Variants in HTT observed in about 807,000 individuals in gnomAD.
HTT encodes huntington disease protein.
Under a neutral mutation model 362.3 loss-of-function variants are expected in HTT, and 104 were observed. The ratio of observed to expected loss-of-function variants is 0.29; its 90% CI spans 0.24 to 0.34. The LOEUF (loss-of-function observed/expected upper bound fraction) is 0.34, where lower values mean the gene tolerates loss of function less well. Among genes scored for constraint, HTT ranks in the 10% least tolerant of loss-of-function variants. HTT has a pLI of 1.00. For synonymous variants in HTT, 1,577 were observed against 1,548.7 expected (o/e 1.02, Z -0.43); for missense variants, 3,301 against 3,928.6 (o/e 0.84, Z 4.27).
At chr4:3,109,376 T>C (rs6446722) in intron 6 of HTT, among the ~76,000 whole-genome samples, 70,567 of 151,366 alleles carry the variant, frequency 0.47, 16,966 homozygotes, top group African/African-American at 0.57. Flanking sequence ...CAGGCATGCA[T>C]CACCACGCTC....
chr4:3,134,115 A>G (rs1364554206), intron 18 of HTT, among the ~76,000 whole-genome samples: 1 of 152,148 alleles, frequency 6.6e-6, no homozygotes, highest in African/African-American at 2.4e-5. Context: ...TAACTGATCA[A>G]TGTTTGTGAA....
In HTT at chr4:3,174,952, A is replaced by G; in HGVS notation, c.4252A>G (p.Ile1418Val). 1 of 1,594,986 alleles carries G rather than the reference A, an allele frequency of 6.3e-7. No homozygotes were observed. The highest frequency in any genetic ancestry group is 8.6e-7 in the Non-Finnish European group (1 of 1,167,480). ...CTTTTTTTCTTTTTTATAGAATGCT[A>G]TTCATAATCACATTCGTTTGTTTGA... ...VTKNRADKNA[I>V]HNHIRLFEPL... Residue 1418 changes from isoleucine (I) to valine (V), a missense_variant, in exon 33 of 67, where the codon ATT (isoleucine) becomes GTT (valine). Around this residue, in one of 4 missense-constraint regions of HTT, gnomAD observed 2,316 missense variants for 2,658.5 expected, o/e 0.87. Transcript: ENST00000355072.
At chr4:3,108,816 T>G (rs537490373) in intron 6 of HTT, among the ~76,000 whole-genome samples, 210 of 151,638 alleles carry the variant, frequency 1.4e-3, no homozygotes, top group Middle Eastern at 6.8e-3. Flanking sequence ...GAGGCTGAGG[T>G]AGGAGGATTG....
chr4:3,117,670 C>G (rs1261515778), intron 8 of HTT, among the ~76,000 whole-genome samples: 2 of 152,080 alleles, frequency 1.3e-5, no homozygotes, highest in Non-Finnish European at 2.9e-5. Context: ...AACCCCATGT[C>G]TTAAAGAAAA....
intron 1 of HTT, among the ~76,000 whole-genome samples, chr4:3,081,592 C>T: frequency 8.8e-6 from 1 of 113,672 alleles, no homozygotes; most frequent in East Asian, 2.9e-4. Flanking sequence ...GAGTTTCACT[C>T]TTGTTGCCCA....
chr4:3,119,168 G>A (rs914266012), intron 8 of HTT, among the ~76,000 whole-genome samples: 3 of 152,184 alleles, frequency 2.0e-5, no homozygotes, highest in Admixed American at 6.5e-5. Flanking sequence ...TGTTTGGCGC[G>A]TAGTTCGTAT....
intron 1 of HTT, among the ~76,000 whole-genome samples, chr4:3,086,620 A>G (rs2110141639): frequency 6.6e-6 from 1 of 152,374 alleles, no homozygotes; most frequent in South Asian, 2.1e-4. Context: ...AAAGTGAGCC[A>G]TGATTGTGCT....
intron 65 of HTT, 94 bp downstream of exon 65, chr4:3,238,703 C>T (rs1721658905): frequency 2.0e-6 from 3 of 1,469,302 alleles, no homozygotes; most frequent in Admixed American, 1.9e-5. Flanking sequence ...AGCCCAGCTC[C>T]TCCGCTTTAA....
Position 3,235,247 on chromosome 4 carries a change from G to C in HTT, c.8457-37G>C, listed in dbSNP as rs745836163. 5.8e-5 allele frequency: 80 copies of C among 1,386,658 alleles called. No homozygotes were observed. In the Admixed American group the frequency reaches 1.2e-3, roughly 20 times the overall value. The allele number at this position is 1,386,658 out of a possible 1,614,324, so 85.9% of individuals were successfully genotyped here. A position where few individuals can be genotyped will look rare whatever the true frequency, so the allele number is the denominator to read the frequency against. On this transcript the variant is annotated intron_variant, in intron 61 of 66. Coordinates refer to ENST00000355072, the MANE Select transcript of HTT (RefSeq NM_001388492.1). ...TGTGAAGCCCTCTCCACGTTGGATG[G>C]GGGTGGCTGAGCCTGGATGCTGTCT...
At chr4:3,077,045 G>T (rs1458052986) in intron 1 of HTT, among the ~76,000 whole-genome samples, 1 of 151,966 alleles carries the variant, frequency 6.6e-6, no homozygotes, top group Admixed American at 6.6e-5. Context: ...GGTCATGGTG[G>T]CACGTGCCTG....
At chr4:3,140,219 C>T (rs1166852352) in intron 21 of HTT, among the ~76,000 whole-genome samples, 1 of 150,714 alleles carries the variant, frequency 6.6e-6, no homozygotes, top group East Asian at 2.0e-4. Context: ...CAAGATTGCA[C>T]CATTGTACTC....
intron 30 of HTT, 101 bp from the exon 31 acceptor site, chr4:3,172,807 A>G: frequency 1.2e-6 from 1 of 840,666 alleles, no homozygotes; most frequent in Non-Finnish European, 2.0e-6. Context: ...AGTCTTTGCT[A>G]ACATATCCAG....
intron 56 of HTT, among the ~76,000 whole-genome samples, chr4:3,225,324 G>A (rs1436229154): frequency 6.6e-6 from 1 of 152,210 alleles, no homozygotes; most frequent in African/African-American, 2.4e-5. Flanking sequence ...GCCTGCAACT[G>A]CTGACTCCTA....
intron 36 of HTT, 54 bp from the exon 37 acceptor site, chr4:3,182,300 G>A: frequency 9.3e-7 from 1 of 1,078,754 alleles, no homozygotes; most frequent in South Asian, 1.3e-5. Flanking sequence ...GGACACGTAG[G>A]GGTGGAAAGG....
At chr4:3,210,655 G>A (rs913192026) in intron 47 of HTT, among the ~76,000 whole-genome samples, 1 of 152,178 alleles carries the variant, frequency 6.6e-6, no homozygotes, top group Non-Finnish European at 1.5e-5. Context: ...CCCAAGCAGG[G>A]CTTCTTCTCA....
chr4:3,195,075 G>A (rs574452267), intron 40 of HTT, among the ~76,000 whole-genome samples: 14 of 152,216 alleles, frequency 9.2e-5, no homozygotes, highest in African/African-American at 3.4e-4. Flanking sequence ...TCTCTCATCA[G>A]GCCACTTCTT....
rs1297560797 is a variant in HTT at position 3,233,225 on chromosome 4, G to C, written c.8328G>C (p.Leu2776=). ...LLESTLRSSH[L]PSRVGALHGV... ...AGAGCACGCTCAGGAGCAGCCACCT[G>C]CCCAGCAGGGTTGGAGCCCTGCACG... The change falls in exon 61 of 67, where the codon CTG becomes CTC. Residue 2776 remains leucine, a synonymous_variant. Coordinates refer to ENST00000355072, the MANE Select transcript of HTT (RefSeq NM_001388492.1). The C allele has an allele frequency of 7.5e-6, 12 of 1,604,818 alleles. No homozygotes were observed. The highest frequency in any genetic ancestry group is 8.5e-6 in the Non-Finnish European group (10 of 1,172,926).
At chr4:3,102,554 A>G (rs546782582) in intron 3 of HTT, among the ~76,000 whole-genome samples, 1 of 152,326 alleles carries the variant, frequency 6.6e-6, no homozygotes, top group African/African-American at 2.4e-5. Flanking sequence ...TACTCCTCAG[A>G]ATTTCCCAGA....
intron 59 of HTT, 21 bp downstream of exon 59, chr4:3,229,030 C>T (rs965969339): frequency 6.2e-7 from 1 of 1,605,826 alleles, no homozygotes; most frequent in Non-Finnish European, 8.5e-7. Context: ...CTTCCCATTC[C>T]CCTCACACCT....
Sources: allele counts gnomAD v4.1 joint callset (sites outside exome capture counted in the v4.1 genomes callset), GRCh38; gene constraint gnomAD v4.1.1; regional missense constraint gnomAD v4.1.1; transcripts MANE v1.5; gene names NCBI Gene and HGNC (gene_info 2026-07-23, HGNC 2026-07-21).